RIMS2: variants seen among roughly 807,000 people sequenced by gnomAD.
RIMS2 encodes regulating synaptic membrane exocytosis 2.
In RIMS2, 59 loss-of-function variants were observed where a neutral mutation model predicts 174.4. The observed-to-expected ratio is 0.34, with a 90% CI of 0.27 to 0.42. The LOEUF (loss-of-function observed/expected upper bound fraction) is 0.42. Ranked by LOEUF, RIMS2 falls within the 10% of genes least tolerant of loss-of-function variation. The probability of loss-of-function intolerance (pLI) is 1.00; values close to 1 mark genes in which losing one functional copy is unlikely to be tolerated. For missense variants in RIMS2, 1,620 were observed against 1,666.3 expected, an observed-to-expected ratio of 0.97 and a Z score of 0.48; for synonymous variants, 606 against 572.5, an observed-to-expected ratio of 1.06 and a Z score of -0.84.
intron 1 of RIMS2, among the ~76,000 whole-genome samples, chr8:103,601,814 G>GT (rs772548115): frequency 1.9e-4 from 29 of 150,750 alleles, no homozygotes; most frequent in Non-Finnish European, 4.0e-4. Flanking sequence ...TATCTGTTCT[G>GT]TTTTTTTCAA....
chr8:103,816,977 T>C (rs2098721861), intron 3 of RIMS2, among the ~76,000 whole-genome samples: 1 of 152,220 alleles, frequency 6.6e-6, no homozygotes, highest in African/African-American at 2.4e-5. Flanking sequence ...AAAGGGGTTC[T>C]GATTATTTAT....
intron 20 of RIMS2, among the ~76,000 whole-genome samples, chr8:104,246,273 T>A (rs898332728): frequency 6.6e-6 from 1 of 152,216 alleles, no homozygotes; most frequent in Admixed American, 6.5e-5. Flanking sequence ...ATGGCTAAGA[T>A]TATGGGCTTT....
chr8:103,828,575 T>G (rs1054721990), intron 3 of RIMS2, among the ~76,000 whole-genome samples: 3 of 152,238 alleles, frequency 2.0e-5, no homozygotes, highest in Non-Finnish European at 4.4e-5. Context: ...CTCTTTAGTT[T>G]AATTAGGTCC....
At chr8:103,702,066 T>C (rs2137516207) in intron 2 of RIMS2, among the ~76,000 whole-genome samples, 1 of 152,260 alleles carries the variant, frequency 6.6e-6, no homozygotes, top group South Asian at 2.1e-4. Context: ...AGTATACAAG[T>C]GTTCACCTTT....
chr8:103,665,939 C>T (rs1332624047), intron 1 of RIMS2, among the ~76,000 whole-genome samples: 1 of 152,124 alleles, frequency 6.6e-6, no homozygotes, highest in African/African-American at 2.4e-5. Context: ...TCCTTATGCT[C>T]CAGTAACAGT....
intron 19 of RIMS2, among the ~76,000 whole-genome samples, chr8:104,072,496 A>G (rs1323260643): frequency 6.6e-6 from 1 of 152,142 alleles, no homozygotes; most frequent in Non-Finnish European, 1.5e-5. Context: ...AGTCATGGAA[A>G]GTATTACTTG....
At chr8:104,015,997 T>A (rs1000940496) in intron 19 of RIMS2, among the ~76,000 whole-genome samples, 23 of 152,064 alleles carry the variant, frequency 1.5e-4, no homozygotes, top group Non-Finnish European at 2.9e-4. Flanking sequence ...GAGTTAAATA[T>A]GATATAGTTT....
chr8:103,589,276 A>G (rs1026342283), intron 1 of RIMS2, among the ~76,000 whole-genome samples: 2 of 151,674 alleles, frequency 1.3e-5, no homozygotes, highest in Non-Finnish European at 3.0e-5. Context: ...AACAGTTTGA[A>G]TAGGCACTTC....
chr8:103,927,964 G>C, intron 11 of RIMS2: 1 of 1,200,666 alleles, frequency 8.3e-7, no homozygotes, highest in Non-Finnish European at 1.2e-6. Flanking sequence ...AAATGCGTTA[G>C]TAGGAAAACT....
rs528480631 is a variant in RIMS2 at position 103,696,849 on chromosome 8, C to T, written c.177-237C>T. Among the ~76,000 whole-genome samples, 10 of 110,912 alleles carry T rather than the reference C, an allele frequency of 9.0e-5. No homozygotes were observed. The East Asian group carries it at 9.8e-4, about 11-fold the overall frequency. The allele number at this position is 110,912 out of a possible 152,430, so 72.8% of individuals were successfully genotyped here. A position where few individuals can be genotyped will look rare whatever the true frequency, so the allele number is the denominator to read the frequency against. ...CTGCACTTTAGCCTGGGTAACAGAG[C>T]GAGACTTCGTCTCAAAAAAAAAAAA... On this transcript the variant is annotated intron_variant, in intron 1 of 23. Transcript: ENST00000504942.
At chr8:104,010,028 G>A (rs994430461) in intron 17 of RIMS2, among the ~76,000 whole-genome samples, 4 of 121,294 alleles carry the variant, frequency 3.3e-5, no homozygotes, top group Admixed American at 7.5e-5. Context: ...ACGGATGGAC[G>A]GACGGACGGA....
rs1226410612 is a variant in RIMS2 at position 103,844,935 on chromosome 8, C to A, written c.699-40363C>A. 2.6e-5 allele frequency among the ~76,000 whole-genome samples: 4 copies of A among 152,048 alleles called. No individual in the cohort carries two copies. In the South Asian group the frequency reaches 8.3e-4, roughly 31 times the overall value. ...TATTGACTTGGTTGCATTTTGAAAT[C>A]CTTTTCAACATACTTCAGCATTTCA... On this transcript the variant is annotated intron_variant, in intron 3 of 23. Coordinates refer to ENST00000504942, the Ensembl canonical transcript of RIMS2.
rs186289422 is a variant in RIMS2, at chr8:104,239,235, G to A, written c.3335-5681G>A. On this transcript the variant is annotated intron_variant, in intron 19 of 23. Transcript: ENST00000504942. ...GTTTTCTGGTTTCCAGATATTATTA[G>A]GGGAAACTGACCCTTTGGTCTTTTG... is the stretch of plus-strand genomic sequence containing the variant. 9.9e-5 allele frequency among the ~76,000 whole-genome samples: 15 copies of A among 152,258 alleles called. No homozygotes were observed. In the East Asian group the frequency reaches 2.9e-3, roughly 29 times the overall value.
rs145521092 is a variant in RIMS2 at position 104,115,952 on chromosome 8, A to G, written c.3334+101337A>G. Among the ~76,000 whole-genome samples, 922 of 152,266 alleles carry G rather than the reference A, an allele frequency of 6.1e-3. 11 individuals carry two copies. The highest frequency in any genetic ancestry group is 0.021 in the African/African-American group (891 of 41,552). Reference sequence around the variant, plus strand: ...TATATCAGTGGGCCAGATCTAATGGATGGGCCACCAGTTTGCAGCTACAGT... The same window carrying G: ...TATATCAGTGGGCCAGATCTAATGGGTGGGCCACCAGTTTGCAGCTACAGT... On this transcript the variant is annotated intron_variant, in intron 19 of 23. Transcript: ENST00000504942.
Position 103,661,767 on chromosome 8 carries a change from C to T in RIMS2, c.177-35319C>T, listed in dbSNP as rs114797325. ...GCAATCTGCCCGCTTGGTCTCCCAA[C>T]GTGCTAGGATTACAGGCGTGAGCCA... On this transcript the variant is annotated intron_variant, in intron 1 of 23. Transcript: ENST00000504942. 3.5e-3 allele frequency among the ~76,000 whole-genome samples: 527 copies of T among 152,268 alleles called. 8 individuals are homozygous for T. The highest frequency in any genetic ancestry group is 0.012 in the African/African-American group (496 of 41,546).
At chr8:103,739,179 T>C (rs1214035448) in intron 2 of RIMS2, among the ~76,000 whole-genome samples, 3 of 151,684 alleles carry the variant, frequency 2.0e-5, no homozygotes, top group Admixed American at 6.6e-5. Context: ...CACATATACA[T>C]CATGGAATAC....
At chr8:103,655,509 A>G (rs574215304) in intron 1 of RIMS2, among the ~76,000 whole-genome samples, 1 of 152,230 alleles carries the variant, frequency 6.6e-6, no homozygotes, top group East Asian at 1.9e-4. Flanking sequence ...AATCAATTGG[A>G]TTACTTTACT....
chr8:103,867,216 T>G (rs1349940920), intron 3 of RIMS2, among the ~76,000 whole-genome samples: 1 of 151,928 alleles, frequency 6.6e-6, no homozygotes, highest in Non-Finnish European at 1.5e-5. Context: ...TTTCTAAATA[T>G]TATTAAGATT....
chr8:104,090,431 A>G (rs774688612), intron 19 of RIMS2, among the ~76,000 whole-genome samples: 1 of 151,818 alleles, frequency 6.6e-6, no homozygotes, highest in Non-Finnish European at 1.5e-5. Context: ...TAGAGTAGAC[A>G]AAATCAGAAT....
Sources: allele counts gnomAD v4.1 joint callset (sites outside exome capture counted in the v4.1 genomes callset), GRCh38; gene constraint gnomAD v4.1.1; transcripts MANE v1.5; gene names NCBI Gene and HGNC (gene_info 2026-07-23, HGNC 2026-07-21).